MICU2: variants seen among roughly 807,000 people sequenced by gnomAD.
The protein encoded by MICU2 is calcium uptake protein 2, mitochondrial.
Under a neutral mutation model 60.4 loss-of-function variants are expected in MICU2, and 64 were observed. That is an observed-to-expected ratio of 1.06 (90% CI 0.87 to 1.31). MICU2 has a LOEUF of 1.31. Among genes scored for constraint, MICU2 ranks in the 50% most tolerant of loss-of-function variants. The probability of loss-of-function intolerance (pLI) is 0.00; values close to 1 mark genes in which losing one functional copy is unlikely to be tolerated. For synonymous variants in MICU2, 201 were observed against 175.0 expected (o/e 1.15, Z -1.17); for missense variants, 569 against 531.0 (o/e 1.07, Z -0.70).
chr13:21,573,079 C>T (rs1435998990), intron 1 of MICU2, among the ~76,000 whole-genome samples: 1 of 152,104 alleles, frequency 6.6e-6, no homozygotes, highest in Non-Finnish European at 1.5e-5. Context: ...ATTCAAAGTA[C>T]TTCGTAGAAT....
chr13:21,531,237 A>G (rs746923647), intron 4 of MICU2: 15 of 1,157,690 alleles, frequency 1.3e-5, no homozygotes, highest in Non-Finnish European at 1.7e-5. Context: ...AAAGGACACT[A>G]TAAGAAAGGA....
At chr13:21,595,545 A>G (rs1393638559) in intron 1 of MICU2, among the ~76,000 whole-genome samples, 2 of 152,192 alleles carry the variant, frequency 1.3e-5, no homozygotes, top group African/African-American at 4.8e-5. Flanking sequence ...GCCACACACA[A>G]CCCACCAGGC....
At chr13:21,503,367 A>G (rs536676476) in intron 8 of MICU2, among the ~76,000 whole-genome samples, 2 of 152,308 alleles carry the variant, frequency 1.3e-5, no homozygotes, top group South Asian at 2.1e-4. Flanking sequence ...TGATAAACCT[A>G]AAGACTTAAA....
At chr13:21,578,537 C>T (rs896194449) in intron 1 of MICU2, among the ~76,000 whole-genome samples, 4 of 151,788 alleles carry the variant, frequency 2.6e-5, no homozygotes, top group East Asian at 1.9e-4. Context: ...TGCAGTAAGC[C>T]AGTGAGCCAT....
intron 1 of MICU2, among the ~76,000 whole-genome samples, chr13:21,594,111 A>G (rs1888643200): frequency 6.6e-6 from 1 of 152,220 alleles, no homozygotes; most frequent in South Asian, 2.1e-4. Context: ...AGAATGGGAG[A>G]AAATTTTTGC....
At chr13:21,517,804 C>CGCGA (rs1886616208) in intron 6 of MICU2, among the ~76,000 whole-genome samples, 1 of 43,406 alleles carries the variant, frequency 2.3e-5, no homozygotes, top group Non-Finnish European at 6.1e-5. Context: ...CACACACGCG[C>CGCGA]GCGCGCGCGC....
At chr13:21,559,529 C>CTTT (rs71202427) in intron 2 of MICU2, among the ~76,000 whole-genome samples, 1 of 143,716 alleles carries the variant, frequency 7.0e-6, no homozygotes, top group Admixed American at 6.9e-5. Context: ...TCTTTCTTTT[C>CTTT]TTTTTTTTTT....
intron 1 of MICU2, among the ~76,000 whole-genome samples, chr13:21,598,777 T>C (rs1056267741): frequency 1.3e-5 from 2 of 152,310 alleles, no homozygotes; most frequent in African/African-American, 2.4e-5. Flanking sequence ...TCATCTACTG[T>C]TGAGTATCTA....
intron 1 of MICU2, 192 bp downstream of exon 1, chr13:21,603,747 G>A (rs1190657309): frequency 6.5e-6 from 4 of 613,058 alleles, no homozygotes; most frequent in Middle Eastern, 4.4e-4. Flanking sequence ...AGCCTCGAAG[G>A]CCCTCGGGGA....
In MICU2 at chr13:21,566,902, G is replaced by C; in HGVS notation, c.253C>G (p.Leu85Val). 6.2e-7 allele frequency: 1 copy of C among 1,610,538 alleles called. No homozygotes were observed. Reference protein sequence around the residue: ...HGIIYIGKPSLRKQRFMQFSS... With the variant: ...HGIIYIGKPSVRKQRFMQFSS... Reference sequence around the variant, plus strand: ...AACTGCATGAAGCGCTGCTTACGAAGAGACGGTTTCCCAATATATATTATT... The same window carrying C: ...AACTGCATGAAGCGCTGCTTACGAACAGACGGTTTCCCAATATATATTATT... The change falls in exon 2 of 12, where the codon CTT becomes GTT. Residue 85 changes from leucine (L) to valine (V), a missense_variant. Coordinates refer to ENST00000382374, the MANE Select transcript of MICU2 (RefSeq NM_152726.3).
chr13:21,515,121 A>T (rs1038623311), intron 6 of MICU2, among the ~76,000 whole-genome samples: 1 of 145,926 alleles, frequency 6.9e-6, no homozygotes, highest in South Asian at 2.1e-4. Context: ...TCGCTCTGTC[A>T]CCCAGGCTGG....
intron 1 of MICU2, among the ~76,000 whole-genome samples, chr13:21,569,190 G>A (rs201289641): frequency 6.6e-6 from 1 of 152,040 alleles, no homozygotes; most frequent in Admixed American, 6.6e-5. Flanking sequence ...GAATTTGTCC[G>A]ACTGCCATGA....
chr13:21,503,063 T>C lies in MICU2; in HGVS notation c.796A>G (p.Met266Val), dbSNP rs1447417212. The change falls in exon 9 of 12, where the codon ATG becomes GTG. Residue 266 changes from methionine (M) to valine (V), a missense_variant. Physicochemically the swap from Met to Val is conservative, Grantham distance 21. Transcript: ENST00000382374. ...MENLQTEIQE[M>V]EFLQFSKGLS... Reference sequence around the variant, plus strand: ...CCTTTAGAAAACTGAAGGAATTCCATTTCTTGAATCTCTGTTTGTAAATTT... The same window carrying C: ...CCTTTAGAAAACTGAAGGAATTCCACTTCTTGAATCTCTGTTTGTAAATTT... The C allele has an allele frequency of 6.2e-7, 1 of 1,601,724 alleles. No individual in the cohort carries two copies. Among genetic ancestry groups the C allele is most frequent in the East Asian group, 2.2e-5 (1 of 44,774 alleles).
At chr13:21,552,859 A>G (rs1156516246) in intron 2 of MICU2, among the ~76,000 whole-genome samples, 4 of 152,202 alleles carry the variant, frequency 2.6e-5, no homozygotes, top group Non-Finnish European at 5.9e-5. Context: ...GAAGTCAGGT[A>G]GCGTGATGCC....
chr13:21,539,634 GC>G, intron 3 of MICU2, 22 bp downstream of exon 3: 1 of 1,613,784 alleles, frequency 6.2e-7, no homozygotes, highest in Admixed American at 1.7e-5. Context: ...AACAAACCCT[GC>G]CCCCCACAAC....
At chr13:21,564,270 T>C (rs1339913782) in intron 2 of MICU2, among the ~76,000 whole-genome samples, 3 of 152,212 alleles carry the variant, frequency 2.0e-5, no homozygotes, top group African/African-American at 7.2e-5. Flanking sequence ...TAAAAGTTAC[T>C]GAGGTAGATT....
intron 2 of MICU2, among the ~76,000 whole-genome samples, chr13:21,558,963 G>A (rs1283388504): frequency 6.6e-6 from 1 of 152,094 alleles, no homozygotes; most frequent in Non-Finnish European, 1.5e-5. Flanking sequence ...GAGGGGAGAG[G>A]AAACCCTCTG....
chr13:21,508,882 A>G (rs1017453119), intron 8 of MICU2, among the ~76,000 whole-genome samples: 18 of 152,332 alleles, frequency 1.2e-4, no homozygotes, highest in African/African-American at 4.3e-4. Flanking sequence ...ACACTAAGTG[A>G]TCTTCTGTGC....
chr13:21,569,786 T>C (rs1371414094), intron 1 of MICU2, among the ~76,000 whole-genome samples: 1 of 150,608 alleles, frequency 6.6e-6, no homozygotes, highest in South Asian at 2.1e-4. Context: ...ATGCCCTTAA[T>C]AGTAGACACC....
Sources: allele counts gnomAD v4.1 joint callset (sites outside exome capture counted in the v4.1 genomes callset), GRCh38; gene constraint gnomAD v4.1.1; transcripts MANE v1.5; gene names NCBI Gene and HGNC (gene_info 2026-07-23, HGNC 2026-07-21).